The following HPSE variants were observed in gnomAD, a reference collection of about 807,000 sequenced individuals.
The protein encoded by HPSE is endo-glucoronidase.
A neutral mutation model predicts 65.1 loss-of-function variants in HPSE; 48 were observed. The ratio of observed to expected loss-of-function variants is 0.74; its 90% CI spans 0.58 to 0.94. HPSE has a LOEUF of 0.94. Among genes scored for constraint, HPSE ranks in the 40% least tolerant of loss-of-function variants. HPSE has a pLI of 0.00. For synonymous variants in HPSE, 243 were observed against 260.0 expected (o/e 0.93, Z 0.63); for missense variants, 644 against 637.5 (o/e 1.01, Z -0.11).
chr4:83,320,504 T>A (rs1410707291), intron 2 of HPSE, among the ~76,000 whole-genome samples: 1 of 150,758 alleles, frequency 6.6e-6, no homozygotes, highest in Non-Finnish European at 1.5e-5. Context: ...AGGCAGAGGC[T>A]GCAGTGAGCC....
chr4:83,313,407 A>C, intron 3 of HPSE, 120 bp from the exon 4 acceptor site: 1 of 608,870 alleles, frequency 1.6e-6, no homozygotes, highest in Non-Finnish European at 2.7e-6. Context: ...TAGTTCTAAT[A>C]AATGATTATA....
At position 83,295,325 on chromosome 4, in the gene HPSE, G is replaced by T. The variant is rs776427696; in HGVS notation, c.*19C>A. ...AGTATACTTGAAAAATTCAGTGTCA[G>T]GACTAGTATATTTTATTTTCAGATG... is the stretch of plus-strand genomic sequence containing the variant. On this transcript the variant is annotated 3_prime_UTR_variant, in exon 12 of 12. Coordinates refer to ENST00000311412, the MANE Select transcript of HPSE (RefSeq NM_001098540.3). 36 of 1,591,038 alleles carry T rather than the reference G, an allele frequency of 2.3e-5. No individual in the cohort carries two copies. The highest frequency in any genetic ancestry group is 3.0e-5 in the Non-Finnish European group (35 of 1,166,236).
chr4:83,310,108 C>A, intron 5 of HPSE, 30 bp from the exon 6 acceptor site: 1 of 1,393,674 alleles, frequency 7.2e-7, no homozygotes, highest in South Asian at 1.2e-5. Flanking sequence ...ATCACTCAGT[C>A]ATATAATACA....
At chr4:83,334,433 G>C (rs1263742973) in intron 1 of HPSE, 123 bp downstream of exon 1, 2 of 1,110,486 alleles carry the variant, frequency 1.8e-6, no homozygotes, top group Non-Finnish European at 2.5e-6. Context: ...GGGGTGGGGA[G>C]AGACAGGCGG....
At chr4:83,328,070 G>T (rs1379016534) in intron 1 of HPSE, among the ~76,000 whole-genome samples, 1 of 152,140 alleles carries the variant, frequency 6.6e-6, no homozygotes. Flanking sequence ...GACCTAAAGG[G>T]GTAAGAAAGT....
At chr4:83,321,774 G>A (rs1374588830) in intron 2 of HPSE, among the ~76,000 whole-genome samples, 1 of 152,254 alleles carries the variant, frequency 6.6e-6, no homozygotes, top group East Asian at 1.9e-4. Flanking sequence ...AGAATCTAAC[G>A]TTGGAGCCCA....
intron 3 of HPSE, among the ~76,000 whole-genome samples, chr4:83,317,650 A>T (rs1736704941): frequency 6.6e-6 from 1 of 152,206 alleles, no homozygotes; most frequent in Non-Finnish European, 1.5e-5. Context: ...TAACAGAAAG[A>T]TCCTGTAAAG....
intron 1 of HPSE, among the ~76,000 whole-genome samples, chr4:83,331,729 T>C (rs1300193893): frequency 6.6e-6 from 1 of 152,224 alleles, no homozygotes; most frequent in African/African-American, 2.4e-5. Context: ...TAGGCCTCTT[T>C]GAAGTACCTT....
intron 2 of HPSE, 73 bp from the exon 3 acceptor site, chr4:83,319,542 G>C: frequency 6.8e-7 from 1 of 1,460,138 alleles, no homozygotes; most frequent in South Asian, 1.2e-5. Flanking sequence ...TATTTATTTA[G>C]TTAGCTATTT....
chr4:83,307,138 C>T (rs549891169), intron 8 of HPSE, among the ~76,000 whole-genome samples: 10 of 152,292 alleles, frequency 6.6e-5, no homozygotes, highest in African/African-American at 1.2e-4. Flanking sequence ...CTCGAATGTT[C>T]GGGGAGACTG....
At chr4:83,323,904 A>G (rs1737025697) in intron 1 of HPSE, among the ~76,000 whole-genome samples, 1 of 152,184 alleles carries the variant, frequency 6.6e-6, no homozygotes, top group Non-Finnish European at 1.5e-5. Flanking sequence ...CTAAGAAAAC[A>G]GAAGACCTGG....
chr4:83,326,413 A>C lies in HPSE; in HGVS notation c.228-4049T>G, dbSNP rs1429027861. ...GAGGAGTCAAGGATTACTCCTGGGA[A>C]GCTCCTTGGAAGATGGTAATATCAT... On this transcript the variant is annotated intron_variant, in intron 1 of 11. Coordinates refer to ENST00000311412, the MANE Select transcript of HPSE (RefSeq NM_001098540.3). The surrounding 1 kb of genome is among the most constrained non-coding windows in gnomAD (Gnocchi z 4.2). Among the ~76,000 whole-genome samples, 1 of 152,162 alleles carries C rather than the reference A, an allele frequency of 6.6e-6. No homozygotes were observed.
At chr4:83,331,680 A>T (rs1394052278) in intron 1 of HPSE, among the ~76,000 whole-genome samples, 1 of 152,216 alleles carries the variant, frequency 6.6e-6, no homozygotes, top group Non-Finnish European at 1.5e-5. Flanking sequence ...TGTATTTGCC[A>T]TCATGGAGAC....
At chr4:83,328,614 C>T (rs1054280951) in intron 1 of HPSE, among the ~76,000 whole-genome samples, 40 of 152,188 alleles carry the variant, frequency 2.6e-4, no homozygotes, top group African/African-American at 8.9e-4. Context: ...TTGATGATGT[C>T]GGAGAGATTG....
At chr4:83,333,691 T>C (rs530943791) in intron 1 of HPSE, among the ~76,000 whole-genome samples, 1 of 152,074 alleles carries the variant, frequency 6.6e-6, no homozygotes, top group Non-Finnish European at 1.5e-5. Flanking sequence ...GGAAAAAACT[T>C]AGAGCTGATA....
At chr4:83,324,113 CTTTTTTTTTTTTT>C (rs398051210) in intron 1 of HPSE, among the ~76,000 whole-genome samples, 6 of 74,752 alleles carry the variant, frequency 8.0e-5, no homozygotes, top group South Asian at 5.6e-4. Context: ...TCTTCTTCTT[CTTTTTTTTTTTTT>C]TTTTTTTTTT....
rs1039584245 is a variant in HPSE, at chr4:83,334,752, G to A, written c.31C>T (p.Pro11Ser). The A allele has an allele frequency of 1.9e-6, 3 of 1,553,782 alleles. No individual in the cohort carries two copies. Among genetic ancestry groups the A allele is most frequent in the Non-Finnish European group, 2.6e-6 (3 of 1,148,782 alleles). ...CCCAGGAGCAGCAGCATCAGCGGCG[G>A]CGGCAGCGCAGGCTTCGAGCGCAGC... MLLRSKPALPPPLMLLLLGPL... is the reference protein window; with the variant it reads MLLRSKPALPSPLMLLLLGPL... The change falls in exon 1 of 12, where the codon CCG becomes TCG. Residue 11 changes from proline to serine, a missense_variant. Physicochemically the swap from Pro to Ser is moderately conservative, Grantham distance 74. Transcript: ENST00000311412.
intron 1 of HPSE, among the ~76,000 whole-genome samples, chr4:83,325,708 T>A (rs550917232): frequency 1.3e-5 from 2 of 152,298 alleles, no homozygotes; most frequent in South Asian, 4.1e-4. Flanking sequence ...TCAGAGGGAC[T>A]CCTAATCTAG....
In HPSE at chr4:83,300,948, A is replaced by G; in HGVS notation, c.1472+12T>C. The G allele has an allele frequency of 3.2e-6, 5 of 1,565,898 alleles. No individual in the cohort carries two copies. Among genetic ancestry groups the G allele is most frequent in the Middle Eastern group, 1.7e-4 (1 of 5,748 alleles). ...TATTGAAAGTTTGGAATGAACAAGG[A>G]AAATTACTTACTTGGAAAGTAATCC... is the stretch of plus-strand genomic sequence containing the variant. On this transcript the variant is annotated intron_variant, in intron 11 of 11. Coordinates refer to ENST00000311412, the MANE Select transcript of HPSE (RefSeq NM_001098540.3).
Sources: gnomAD v4.1 joint callset for allele counts (sites outside exome capture counted in the v4.1 genomes callset) on GRCh38, gnomAD v4.1.1 for gene constraint, Gnocchi (gnomAD v3.1) non-coding constraint, MANE v1.5 for transcripts, NCBI Gene and HGNC (gene_info 2026-07-23, HGNC 2026-07-21) for gene names.